ZNRF3: variants seen among roughly 807,000 people sequenced by gnomAD.
The protein encoded by ZNRF3 is E3 ubiquitin-protein ligase ZNRF3.
A neutral mutation model predicts 72.5 loss-of-function variants in ZNRF3; 23 were observed. The ratio of observed to expected loss-of-function variants is 0.32; its 90% CI spans 0.23 to 0.45. ZNRF3 has a LOEUF of 0.45. Ranked by LOEUF, ZNRF3 falls within the 20% of genes least tolerant of loss-of-function variation. The pLI, the probability that ZNRF3 is intolerant of heterozygous loss-of-function variation, is 1.00. For missense variants in ZNRF3, 1,169 were observed against 1,272.1 expected (o/e 0.92, Z 1.23); for synonymous variants, 610 against 545.3 (o/e 1.12, Z -1.65).
At chr22:28,913,117 G>T (rs1258714610) in intron 1 of ZNRF3, among the ~76,000 whole-genome samples, 1 of 152,220 alleles carries the variant, frequency 6.6e-6, no homozygotes, top group African/African-American at 2.4e-5. Context: ...TTTTTCTGGA[G>T]TATGCCCAAG....
At chr22:28,910,648 C>T (rs2034298772) in intron 1 of ZNRF3, among the ~76,000 whole-genome samples, 1 of 152,212 alleles carries the variant, frequency 6.6e-6, no homozygotes, top group Admixed American at 6.5e-5. Context: ...CCTCCTCCTG[C>T]ATGTCTGTTG....
chr22:29,017,893 G>A (rs2036464100), intron 2 of ZNRF3: 1 of 459,476 alleles, frequency 2.2e-6, no homozygotes, highest in Non-Finnish European at 4.4e-6. Context: ...GCAGAGAAAG[G>A]AGGCTTTTAG....
rs1452952674 is a variant in ZNRF3 at position 29,030,654 on chromosome 22, A to T, written c.427-11841A>T. On this transcript the variant is annotated intron_variant, in intron 2 of 8. Transcript: ENST00000544604. This position sits in a 1 kb window ranked among gnomAD's most constrained non-coding sequence, Gnocchi z 4.2. ...CGAGGAGGGCACTTTCCCGGGTCGG[A>T]GAAGGCCGGATGGCAGCCCGCCCCG... 6.7e-6 allele frequency among the ~76,000 whole-genome samples: 1 copy of T among 148,396 alleles called. No individual in the cohort carries two copies. Among genetic ancestry groups the T allele is most frequent in the Non-Finnish European group, 1.5e-5 (1 of 67,508 alleles).
rs895328327 is a variant in ZNRF3, at chr22:29,049,751, G to A, written c.1570G>A (p.Gly524Ser). 6.9e-6 allele frequency: 11 copies of A among 1,594,608 alleles called. No individual in the cohort carries two copies. Among genetic ancestry groups the A allele is most frequent in the Non-Finnish European group, 9.4e-6 (11 of 1,168,602 alleles). Residue 524 changes from glycine to serine, a missense_variant, in exon 8 of 9, where the codon GGC becomes AGC. Physicochemically the swap from Gly to Ser is moderately conservative, Grantham distance 56. Coordinates refer to ENST00000544604, the MANE Select transcript of ZNRF3 (RefSeq NM_001206998.2). The surrounding 1 kb of genome is among the most constrained non-coding windows in gnomAD (Gnocchi z 5.2). ...GGCCCCGCCCTCCCACCTGGAGAGC[G>A]GCAGCACGTCCAGCTTCAGCTGCTA... ...HVAPPSHLES[G>S]STSSFSCYHG... is the part of the protein sequence containing the mutation.
intron 1 of ZNRF3, among the ~76,000 whole-genome samples, chr22:28,984,267 T>C (rs2347788): frequency 0.52 from 78,542 of 151,862 alleles, 20,739 homozygotes; most frequent in Admixed American, 0.6. Context: ...AACGTTTTCA[T>C]CACCCAGAAG....
Position 28,969,185 on chromosome 22 carries a change from T to C in ZNRF3, c.301-17891T>C, listed in dbSNP as rs1485868702. 2.0e-5 allele frequency among the ~76,000 whole-genome samples: 3 copies of C among 152,332 alleles called. No individual in the cohort carries two copies. In the East Asian group the frequency reaches 5.8e-4, roughly 29 times the overall value. On this transcript the variant is annotated intron_variant, in intron 1 of 8. Coordinates refer to ENST00000544604, the MANE Select transcript of ZNRF3 (RefSeq NM_001206998.2). ...ACAGTGGCTCCCATCCCGCCCCACT[T>C]GGGCTACTTTTAGTTCCCAGTCCAC...
intron 2 of ZNRF3, among the ~76,000 whole-genome samples, chr22:28,994,405 C>T (rs1472099332): frequency 6.6e-6 from 1 of 151,418 alleles, no homozygotes; most frequent in Non-Finnish European, 1.5e-5. Context: ...CCATGGTGGT[C>T]GGGCTGGTCT....
intron 1 of ZNRF3, among the ~76,000 whole-genome samples, chr22:28,894,058 G>A (rs2033946508): frequency 6.6e-6 from 1 of 152,052 alleles, no homozygotes; most frequent in African/African-American, 2.4e-5. Flanking sequence ...AGGCTCACAA[G>A]TGATCCTTCC....
Position 29,044,905 on chromosome 22 carries a change from T to C in ZNRF3, c.744+15T>C. ...GACGCAGTCAGGTAGTGCCTCTGTG[T>C]GTAGCCCGTGAGCAGTAACCCCTCT... On this transcript the variant is annotated intron_variant, in intron 5 of 8. Transcript: ENST00000544604. 2 of 1,584,298 alleles carry C rather than the reference T, an allele frequency of 1.3e-6. No individual in the cohort carries two copies. The highest frequency in any genetic ancestry group is 8.7e-7 in the Non-Finnish European group (1 of 1,153,026).
intron 1 of ZNRF3, among the ~76,000 whole-genome samples, chr22:28,907,781 G>A (rs1439315703): frequency 3.3e-5 from 5 of 152,218 alleles, no homozygotes; most frequent in Non-Finnish European, 7.3e-5. Context: ...ATGGTGCAGA[G>A]TGGTGTCAGC....
intron 1 of ZNRF3, among the ~76,000 whole-genome samples, chr22:28,887,005 C>T (rs2033800312): frequency 6.6e-6 from 1 of 152,086 alleles, no homozygotes; most frequent in Non-Finnish European, 1.5e-5. Flanking sequence ...AGTGTTTTAT[C>T]GTCTCAGAGC....
intron 1 of ZNRF3, among the ~76,000 whole-genome samples, chr22:28,937,548 C>T (rs997967196): frequency 2.0e-5 from 3 of 152,226 alleles, no homozygotes; most frequent in African/African-American, 2.4e-5. Context: ...GATCTAGAAC[C>T]GTGTTCTCAA....
Position 28,883,814 on chromosome 22 carries a change from C to T in ZNRF3, c.48C>T (p.Arg16=), listed in dbSNP as rs1186536946. Residue 16 remains arginine (R), a synonymous_variant, in exon 1 of 9, where the codon CGC becomes CGT. Coordinates refer to ENST00000544604, the MANE Select transcript of ZNRF3 (RefSeq NM_001206998.2). This position sits in a 1 kb window ranked among gnomAD's most constrained non-coding sequence, Gnocchi z 5.5. ...GGRPGATGRR[R]RRLRRRPRGL... The stretch of plus-strand genomic sequence containing the variant: ...GCCCAGGGGCCACGGGCCGCCGCCG[C>T]CGCCGCCTGCGCCGCCGCCCCCGCG... The T allele has an allele frequency of 1.0e-6, 1 of 979,518 alleles. No homozygotes were observed. Among genetic ancestry groups the T allele is most frequent in the Non-Finnish European group, 1.2e-6 (1 of 827,478 alleles). The allele number at this position is 979,518 out of a possible 1,614,324, so 60.7% of individuals were successfully genotyped here.
intron 2 of ZNRF3, among the ~76,000 whole-genome samples, chr22:28,993,782 A>G (rs1157106115): frequency 6.6e-6 from 1 of 152,194 alleles, no homozygotes; most frequent in Non-Finnish European, 1.5e-5. Context: ...TCCCGGGCTC[A>G]AGTAATCCTC....
chr22:28,998,718 A>T (rs988053790), intron 2 of ZNRF3, among the ~76,000 whole-genome samples: 1 of 152,264 alleles, frequency 6.6e-6, no homozygotes, highest in Non-Finnish European at 1.5e-5. Context: ...CAATACTTTT[A>T]AAAAACTAGA....
intron 2 of ZNRF3, among the ~76,000 whole-genome samples, chr22:29,013,069 C>G (rs1290250822): frequency 6.6e-6 from 1 of 152,176 alleles, no homozygotes; most frequent in African/African-American, 2.4e-5. Context: ...GCTCCTACCC[C>G]CTCTTTTTTG....
chr22:28,970,543 A>G (rs181081932), intron 1 of ZNRF3, among the ~76,000 whole-genome samples: 1 of 152,378 alleles, frequency 6.6e-6, no homozygotes, highest in East Asian at 1.9e-4. Flanking sequence ...ACATTTGTCT[A>G]CGCAAACCTA....
chr22:29,033,657 C>A (rs2036808359), intron 2 of ZNRF3, among the ~76,000 whole-genome samples: 1 of 152,118 alleles, frequency 6.6e-6, no homozygotes, highest in African/African-American at 2.4e-5. Context: ...GATGAAAAAA[C>A]GATGGATGGA....
chr22:29,043,498 T>C (rs2037007994), intron 4 of ZNRF3, 68 bp downstream of exon 4: 7 of 1,572,484 alleles, frequency 4.5e-6, no homozygotes, highest in Non-Finnish European at 5.2e-6. Flanking sequence ...TTTATTTCCC[T>C]TGGGCTTTCA....
Sources: gnomAD v4.1 joint callset for allele counts (sites outside exome capture counted in the v4.1 genomes callset) on GRCh38, gnomAD v4.1.1 for gene constraint, Gnocchi (gnomAD v3.1) non-coding constraint, MANE v1.5 for transcripts, NCBI Gene and HGNC (gene_info 2026-07-23, HGNC 2026-07-21) for gene names.